OR2L13: variants seen among roughly 807,000 people sequenced by gnomAD.
The protein encoded by OR2L13 is olfactory receptor family 2 subfamily L member 13, also known as olfactory receptor 2L13.
A neutral mutation model predicts 15.3 loss-of-function variants in OR2L13; 14 were observed. That is an observed-to-expected ratio of 0.91 (90% CI 0.60 to 1.43). The LOEUF (loss-of-function observed/expected upper bound fraction) is 1.43. Ranked by LOEUF, OR2L13 falls within the 40% of genes most tolerant of loss-of-function variation. The probability of loss-of-function intolerance (pLI) is 0.00; values close to 1 mark genes in which losing one functional copy is unlikely to be tolerated. For missense variants in OR2L13, 367 were observed against 387.9 expected (o/e 0.95, Z 0.45); for synonymous variants, 152 against 142.9 (o/e 1.06, Z -0.45).
At chr1:248,099,048 G>A (rs1664791265) in intron 2 of OR2L13, among the ~76,000 whole-genome samples, 1 of 152,118 alleles carries the variant, frequency 6.6e-6, no homozygotes, top group African/African-American at 2.4e-5. Context: ...TAAATTGGAA[G>A]ACATGCTTAA....
exon 3 of OR2L13, chr1:248,099,844 G>T: frequency 6.2e-7 from 1 of 1,613,978 alleles, no homozygotes; most frequent in Non-Finnish European, 8.5e-7. Flanking sequence ...CAACTCCTTG[G>T]CACACACAGT....
the OR2L13 span, among the ~76,000 whole-genome samples, chr1:248,052,159 C>G: frequency 6.6e-6 from 1 of 152,140 alleles, no homozygotes; most frequent in African/African-American, 2.4e-5. Flanking sequence ...ATAGTTTTAT[C>G]TCTTGCATTT....
the OR2L13 span, chr1:248,024,325 A>C: frequency 6.6e-6 from 1 of 152,224 alleles, no homozygotes; most frequent in Non-Finnish European, 1.5e-5. Flanking sequence ...CTATTATAGC[A>C]ATGTAAAATA....
At chr1:248,081,400 G>A in the OR2L13 span, among the ~76,000 whole-genome samples, 9 of 151,924 alleles carry the variant, frequency 5.9e-5, no homozygotes, top group Admixed American at 2.6e-4. Context: ...TGTTGTTGTC[G>A]TCGTTGCTGT....
the OR2L13 span, among the ~76,000 whole-genome samples, chr1:248,077,919 A>G: frequency 6.4e-3 from 979 of 152,312 alleles, 6 homozygotes; most frequent in African/African-American, 0.022. Flanking sequence ...ACAAAGGCCT[A>G]TTCTCTAGAA....
the OR2L13 span, among the ~76,000 whole-genome samples, chr1:247,938,644 GC>G: frequency 6.6e-6 from 1 of 151,948 alleles, no homozygotes; most frequent in South Asian, 2.1e-4. Flanking sequence ...AAATAAACAT[GC>G]CCACACACAC....
At chr1:247,965,832 T>G in the OR2L13 span, 2 of 1,613,186 alleles carry the variant, frequency 1.2e-6, no homozygotes, top group East Asian at 4.5e-5. Context: ...GGGCCAGTGG[T>G]TCTATCAATG....
At chr1:248,038,426 T>C in the OR2L13 span, 1 of 1,613,864 alleles carries the variant, frequency 6.2e-7, no homozygotes, top group Middle Eastern at 1.7e-4. Flanking sequence ...TGGACATCCA[T>C]CTCCACACAC....
the OR2L13 span, chr1:248,061,967 C>T: frequency 1.7e-5 from 3 of 176,666 alleles, no homozygotes; most frequent in Non-Finnish European, 3.6e-5. Flanking sequence ...GTTTATTTTC[C>T]AGTAATTTTA....
At chr1:247,998,319 A>G in the OR2L13 span, among the ~76,000 whole-genome samples, 5 of 152,146 alleles carry the variant, frequency 3.3e-5, no homozygotes, top group African/African-American at 4.8e-5. Context: ...GTGATGATCA[A>G]TGGAAGAGAT....
At chr1:247,970,406 A>G in the OR2L13 span, among the ~76,000 whole-genome samples, 3 of 152,142 alleles carry the variant, frequency 2.0e-5, no homozygotes, top group African/African-American at 4.8e-5. Flanking sequence ...ATTGTATTCC[A>G]TGGCAACAAT....
chr1:247,943,534 G>T, the OR2L13 span, among the ~76,000 whole-genome samples: 1 of 152,038 alleles, frequency 6.6e-6, no homozygotes, highest in East Asian at 1.9e-4. Context: ...CTACACATAT[G>T]GTTCCAGATT....
chr1:248,038,502 A>C, the OR2L13 span: 1 of 1,614,000 alleles, frequency 6.2e-7, no homozygotes. Flanking sequence ...CATTGTTCCA[A>C]AGATGGTTTA....
chr1:248,038,205 A>C, the OR2L13 span: 2 of 1,206,196 alleles, frequency 1.7e-6, no homozygotes, highest in African/African-American at 3.0e-5. Context: ...TGTGGATAAA[A>C]GTGAATTACT....
At chr1:247,974,958 A>G in the OR2L13 span, 2 of 291,598 alleles carry the variant, frequency 6.9e-6, no homozygotes, top group Non-Finnish European at 7.1e-6. Flanking sequence ...CCTAAATTAC[A>G]TCTCCACTAT....
chr1:247,999,269 A>G, the OR2L13 span, among the ~76,000 whole-genome samples: 1 of 152,182 alleles, frequency 6.6e-6, no homozygotes, highest in South Asian at 2.1e-4. Context: ...GAGTAAGCAC[A>G]TCCTCATTCC....
At chr1:247,940,088 T>A in the OR2L13 span, among the ~76,000 whole-genome samples, 1 of 152,326 alleles carries the variant, frequency 6.6e-6, no homozygotes, top group Admixed American at 6.5e-5. Context: ...ATGGTTTGTT[T>A]TGACACTTTA....
chr1:248,076,177 G>C, the OR2L13 span, among the ~76,000 whole-genome samples: 5 of 152,146 alleles, frequency 3.3e-5, no homozygotes, highest in Non-Finnish European at 5.9e-5. Flanking sequence ...CATTATTTCT[G>C]AGACCTCTAT....
At chr1:247,981,668 T>C in the OR2L13 span, among the ~76,000 whole-genome samples, 31 of 152,200 alleles carry the variant, frequency 2.0e-4, no homozygotes, top group East Asian at 1.3e-3. Context: ...TCATAGCGGA[T>C]AACAAGTGTG....
Sources: allele counts gnomAD v4.1 joint callset (sites outside exome capture counted in the v4.1 genomes callset), GRCh38; gene constraint gnomAD v4.1.1; transcripts MANE v1.5; gene names NCBI Gene and HGNC (gene_info 2026-07-23, HGNC 2026-07-21).